The following DYSF variants were observed in gnomAD, a reference collection of about 807,000 sequenced individuals.
The protein encoded by DYSF is dysferlin.
In DYSF, 212 loss-of-function variants were observed where a neutral mutation model predicts 274.9. The ratio of observed to expected loss-of-function variants is 0.77; its 90% CI spans 0.69 to 0.86. The LOEUF (loss-of-function observed/expected upper bound fraction) is 0.86. Ranked by LOEUF, DYSF falls within the 40% of genes least tolerant of loss-of-function variation. DYSF has a pLI of 0.00. For synonymous variants in DYSF, 1,091 were observed against 1,078.7 expected, an observed-to-expected ratio of 1.01 and a Z score of -0.22; for missense variants, 2,666 against 2,783.2, an observed-to-expected ratio of 0.96 and a Z score of 0.95.
At chr2:71,536,985 C>G (rs1404353655) in intron 16 of DYSF, among the ~76,000 whole-genome samples, 1 of 151,936 alleles carries the variant, frequency 6.6e-6, no homozygotes, top group Non-Finnish European at 1.5e-5. Flanking sequence ...ACAACAACAA[C>G]AAAAAAACCC....
At chr2:71,624,385 C>T (rs72902700) in intron 41 of DYSF, among the ~76,000 whole-genome samples, 3,244 of 152,240 alleles carry the variant, frequency 0.021, 101 homozygotes, top group African/African-American at 0.069. Context: ...AGGATTTTTA[C>T]GTCTCTATTA....
intron 1 of DYSF, among the ~76,000 whole-genome samples, chr2:71,479,582 C>T (rs1285258386): frequency 1.3e-5 from 2 of 152,236 alleles, no homozygotes; most frequent in African/African-American, 4.8e-5. Flanking sequence ...CTGCCCACTG[C>T]TGTAGAACCT....
At chr2:71,594,045 T>G (rs980276785) in intron 32 of DYSF, among the ~76,000 whole-genome samples, 1 of 152,192 alleles carries the variant, frequency 6.6e-6, no homozygotes, top group East Asian at 1.9e-4. Context: ...GTCACAGTGG[T>G]GGGCCAGGTA....
At chr2:71,561,998 TCAGAA>T in intron 23 of DYSF, 54 bp downstream of exon 23, 1 of 1,581,740 alleles carries the variant, frequency 6.3e-7, no homozygotes, top group South Asian at 1.1e-5. Flanking sequence ...GCCTGGAACA[TCAGAA>T]CTGGCAGGGA....
chr2:71,516,229 C>T lies in DYSF; in HGVS notation c.938C>T (p.Pro313Leu), dbSNP rs886043967. ...TCTCCTGGGGAGCTGTTTGATGAGC[C>T]CATCTTTATCACGGTATGTCTCAGC... ...FDSPGELFDE[P>L]IFITVVDSRS... Residue 313 changes from proline (P) to leucine (L), a missense_variant, in exon 9 of 56, where the codon CCC becomes CTC. By Grantham distance (98) the Pro-to-Leu change is moderately conservative (BLOSUM62 -3). This residue lies in a region of DYSF where 794 missense variants were observed against 777.1 expected (regional missense o/e 1.02). Coordinates refer to ENST00000410020, the MANE Select transcript of DYSF (RefSeq NM_001130987.2). 6.8e-6 allele frequency: 11 copies of T among 1,614,178 alleles called. No individual in the cohort carries two copies. Among genetic ancestry groups the T allele is most frequent in the Non-Finnish European group, 9.3e-6 (11 of 1,180,014 alleles).
chr2:71,611,450 A>T lies in DYSF; in HGVS notation c.4060-15A>T, dbSNP rs1212294700. 3.1e-6 allele frequency: 5 copies of T among 1,613,990 alleles called. No individual in the cohort carries two copies. Among genetic ancestry groups the T allele is most frequent in the East Asian group, 2.2e-5 (1 of 44,850 alleles). ...CGGGGCCTTCTGAGCCACTCTCCTC[A>T]TTCTGTGTGCTTAGATCCTGGCATG... On this transcript the variant is annotated splice_polypyrimidine_tract_variant and intron_variant, in intron 37 of 55. Coordinates refer to ENST00000410020, the MANE Select transcript of DYSF (RefSeq NM_001130987.2).
intron 24 of DYSF, among the ~76,000 whole-genome samples, chr2:71,565,246 C>T (rs1483306847): frequency 1.5e-5 from 2 of 131,330 alleles, no homozygotes; most frequent in Admixed American, 1.5e-4. Flanking sequence ...CCACCCAGCT[C>T]TTTTTTTTTT....
Position 71,668,829 on chromosome 2 carries a change from C to A in DYSF, c.5533C>A (p.Arg1845=). The change falls in exon 49 of 56, where the codon CGG becomes AGG. Residue 1845 remains arginine (R), a synonymous_variant. Transcript: ENST00000410020. ...RPGPPFNITP[R]RARRFFLRCI... ...TGGACCTCCCTTCAACATCACCCCA[C>A]GGAGAGCCAGAAGGTGACTTGCCCA... 6.2e-7 allele frequency: 1 copy of A among 1,613,264 alleles called. No homozygotes were observed. Among genetic ancestry groups the A allele is most frequent in the South Asian group, 1.1e-5 (1 of 90,906 alleles).
intron 55 of DYSF, among the ~76,000 whole-genome samples, chr2:71,683,841 C>T (rs540801234): frequency 6.7e-4 from 102 of 152,380 alleles, no homozygotes; most frequent in African/African-American, 2.2e-3. Flanking sequence ...AGAGCCCCTC[C>T]ATCCCACTGC....
At position 71,520,856 on chromosome 2, in the gene DYSF, C is replaced by G; in HGVS notation, c.1101C>G (p.Gly367=). Reference sequence around the variant, plus strand: ...ATGACTTCTCTGCTGGGGCCAGAGGCTACCTGAAAACAAGCCTTTGTGTGC... The same window carrying G: ...ATGACTTCTCTGCTGGGGCCAGAGGGTACCTGAAAACAAGCCTTTGTGTGC... ...DPDDFSAGAR[G]YLKTSLCVLG... Residue 367 remains glycine, a synonymous_variant, in exon 12 of 56, where the codon GGC becomes GGG. Coordinates refer to ENST00000410020, the MANE Select transcript of DYSF (RefSeq NM_001130987.2). 1 of 1,614,110 alleles carries G rather than the reference C, an allele frequency of 6.2e-7. No homozygotes were observed. The highest frequency in any genetic ancestry group is 8.5e-7 in the Non-Finnish European group (1 of 1,180,030).
chr2:71,674,171 CCTT>C (rs756576781), intron 51 of DYSF, 23 bp from the exon 52 acceptor site: 15 of 1,609,344 alleles, frequency 9.3e-6, no homozygotes, highest in Non-Finnish European at 1.3e-5. Flanking sequence ...TTCCTTGCAT[CCTT>C]CTCTGTTCCT....
chr2:71,598,427 C>G (rs1365884274), intron 32 of DYSF, 137 bp from the exon 33 acceptor site: 3 of 1,063,616 alleles, frequency 2.8e-6, no homozygotes, highest in Non-Finnish European at 4.2e-6. Flanking sequence ...GAAGATGCAT[C>G]CCAGCATGAA....
At chr2:71,618,333 TGTGTGTGTGGTAGAGGG>T (rs1322741709) in intron 40 of DYSF, among the ~76,000 whole-genome samples, 26 of 28,650 alleles carry the variant, frequency 9.1e-4, no homozygotes, top group Non-Finnish European at 1.1e-3. Flanking sequence ...AGAGATGGGG[TGTGTGTGTGGTAGAGGG>T]GTGTGTGTGT....
At chr2:71,455,737 C>T (rs1421267365) in intron 1 of DYSF, among the ~76,000 whole-genome samples, 1 of 152,144 alleles carries the variant, frequency 6.6e-6, no homozygotes, top group African/African-American at 2.4e-5. Flanking sequence ...ATTTATAGCC[C>T]CTGAACCTGG....
intron 1 of DYSF, among the ~76,000 whole-genome samples, chr2:71,476,465 T>A (rs971050016): frequency 6.6e-6 from 1 of 150,420 alleles, no homozygotes; most frequent in Non-Finnish European, 1.5e-5. Context: ...CGCTTGAACC[T>A]GGGAGGCAGG....
At chr2:71,463,215 G>C (rs972159122), upstream of DYSF, among the ~76,000 whole-genome samples, 3 of 152,228 alleles carry the variant, frequency 2.0e-5, no homozygotes, top group Non-Finnish European at 2.9e-5. Context: ...GGCAGCAGGG[G>C]GCTGGCATCT....
chr2:71,619,399 G>A (rs530442928), intron 40 of DYSF, among the ~76,000 whole-genome samples: 63 of 152,196 alleles, frequency 4.1e-4, no homozygotes, highest in African/African-American at 1.4e-3. Flanking sequence ...GCCCCTCAGT[G>A]ATGTGTCTTT....
chr2:71,503,290 C>G lies in DYSF; in HGVS notation c.316C>G (p.Leu106Val). The part of the protein sequence containing the change: ...PSLSASFNAP[L>V]LDTKKQPTGA... The stretch of plus-strand genomic sequence containing the variant: ...TCTGTCCGCCAGCTTCAATGCCCCC[C>G]TGCTGGACACCAAGAAGCAGCCCAC... Residue 106 changes from leucine (L) to valine (V), a missense_variant, in exon 4 of 56, where the codon CTG (leucine) becomes GTG (valine). Physicochemically the swap from Leu to Val is conservative, Grantham distance 32. Coordinates refer to ENST00000410020, the MANE Select transcript of DYSF (RefSeq NM_001130987.2). 6.2e-7 allele frequency: 1 copy of G among 1,614,184 alleles called. No homozygotes were observed. The highest frequency in any genetic ancestry group is 1.3e-5 in the African/African-American group (1 of 75,058).
chr2:71,582,900 A>G (rs1186852216), intron 30 of DYSF, among the ~76,000 whole-genome samples: 2 of 151,980 alleles, frequency 1.3e-5, no homozygotes, highest in Non-Finnish European at 2.9e-5. Context: ...AGAATGGGCC[A>G]GGCGTGGTGG....
Sources: allele counts gnomAD v4.1 joint callset (sites outside exome capture counted in the v4.1 genomes callset), GRCh38; gene constraint gnomAD v4.1.1; regional missense constraint gnomAD v4.1.1; transcripts MANE v1.5; gene names NCBI Gene and HGNC (gene_info 2026-07-23, HGNC 2026-07-21).